GRAMD2B: variants seen among roughly 807,000 people sequenced by gnomAD.
The protein encoded by GRAMD2B is GRAM domain-containing protein 2B.
Under a neutral mutation model 59.2 loss-of-function variants are expected in GRAMD2B, and 41 were observed. That is an observed-to-expected ratio of 0.69 (90% CI 0.54 to 0.90). The LOEUF is 0.90. Ranked by LOEUF, GRAMD2B falls within the 40% of genes least tolerant of loss-of-function variation. GRAMD2B has a pLI of 0.00. For missense variants in GRAMD2B, 424 were observed against 500.5 expected (o/e 0.85, Z 1.46); for synonymous variants, 161 against 182.7 (o/e 0.88, Z 0.96).
At chr5:126,418,449 G>T (rs1197207296), upstream of GRAMD2B, among the ~76,000 whole-genome samples, 1 of 152,148 alleles carries the variant, frequency 6.6e-6, no homozygotes, top group Non-Finnish European at 1.5e-5. Context: ...GGACCAGTAA[G>T]CCCTTGCCAT....
At chr5:126,460,082 A>G (rs1250320249) in intron 1 of GRAMD2B, among the ~76,000 whole-genome samples, 1 of 152,230 alleles carries the variant, frequency 6.6e-6, no homozygotes, top group Non-Finnish European at 1.5e-5. Context: ...GCAGTCATTA[A>G]AAAGTATGAG....
intron 5 of GRAMD2B, among the ~76,000 whole-genome samples, chr5:126,475,140 G>T (rs921941141): frequency 6.6e-6 from 1 of 152,022 alleles, no homozygotes; most frequent in Non-Finnish European, 1.5e-5. Flanking sequence ...TATTAATAAA[G>T]TATAGCCTTA....
chr5:126,398,947 G>A (rs767918996), intron 1 of GRAMD2B, among the ~76,000 whole-genome samples: 11 of 152,064 alleles, frequency 7.2e-5, no homozygotes, highest in Non-Finnish European at 1.2e-4. Flanking sequence ...TTCCATTGTG[G>A]TTGGAAAAGA....
chr5:126,493,073 C>G lies in GRAMD2B; in HGVS notation c.*117C>G. 1 of 722,678 alleles carries G rather than the reference C, an allele frequency of 1.4e-6. No individual in the cohort carries two copies. The highest frequency in any genetic ancestry group is 2.4e-6 in the Non-Finnish European group (1 of 410,102). 44.8% of individuals were successfully genotyped at this position (722,678 alleles called of 1,614,324 possible). On this transcript the variant is annotated 3_prime_UTR_variant, in exon 14 of 14. Coordinates refer to ENST00000285689, the MANE Select transcript of GRAMD2B (RefSeq NM_023927.4). ...TCAGAGGTGCAAGCAGATGAGAATC[C>G]AGACATTGCATGTGGAGGTCTCCAG...
intron 1 of GRAMD2B, among the ~76,000 whole-genome samples, chr5:126,407,954 T>A (rs1051642355): frequency 3.3e-5 from 5 of 152,044 alleles, no homozygotes; most frequent in African/African-American, 1.2e-4. Flanking sequence ...TATTTTTTTT[T>A]AATTTCAACT....
At position 126,423,469 on chromosome 5, in the gene GRAMD2B, T is replaced by C; in HGVS notation, c.-138T>C. Reference sequence around the variant, plus strand: ...CCCGGGAGCTTGGCGCGGCCCGGCCTGGATGCGCTGGGCGGAGGGTGCAGG... The same window carrying C: ...CCCGGGAGCTTGGCGCGGCCCGGCCCGGATGCGCTGGGCGGAGGGTGCAGG... On this transcript the variant is annotated 5_prime_UTR_variant, in exon 1 of 14. Transcript: ENST00000285689. 8 of 1,445,372 alleles carry C rather than the reference T, an allele frequency of 5.5e-6. No homozygotes were observed. The highest frequency in any genetic ancestry group is 7.2e-6 in the Non-Finnish European group (8 of 1,104,956). 89.5% of individuals were successfully genotyped at this position (1,445,372 alleles called of 1,614,324 possible).
upstream of GRAMD2B, among the ~76,000 whole-genome samples, chr5:126,369,746 A>G (rs147041962): frequency 2.1e-3 from 318 of 152,334 alleles, 2 homozygotes; most frequent in Admixed American, 6.3e-3. Flanking sequence ...TCCTTTAGAG[A>G]CATTTTGTTC....
rs895871976 is a variant in GRAMD2B, at chr5:126,492,182, A to G, written c.1258-733A>G. ...CACAACCTTCTTGGAAATGTTAAAT[A>G]ATAATATCTAATTGGAGTAACAGGA... On this transcript the variant is annotated intron_variant, in intron 13 of 13. Transcript: ENST00000285689. Among the ~76,000 whole-genome samples the G allele has an allele frequency of 5.9e-5, 9 of 152,202 alleles. No individual in the cohort carries two copies. The East Asian group carries it at 1.7e-3, about 29-fold the overall frequency.
chr5:126,441,453 G>T (rs1029395208), intron 1 of GRAMD2B, among the ~76,000 whole-genome samples: 1 of 152,184 alleles, frequency 6.6e-6, no homozygotes, highest in African/African-American at 2.4e-5. Flanking sequence ...CAGGGCCCCC[G>T]TCCTCTACTT....
In GRAMD2B at chr5:126,465,518, C is replaced by T. The variant is rs777715436; in HGVS notation, c.176C>T (p.Pro59Leu). The T allele has an allele frequency of 1.2e-6, 2 of 1,614,030 alleles. No homozygotes were observed. The highest frequency in any genetic ancestry group is 1.3e-5 in the African/African-American group (1 of 75,040). The change falls in exon 2 of 14, where the codon CCA becomes CTA. Residue 59 changes from proline to leucine, a missense_variant. Pro to Leu is a moderately conservative substitution (Grantham distance 98, BLOSUM62 -3). Transcript: ENST00000285689. ...SPTPSVEADS[P>L]DQKKIISLWS... ...ACCCCATCTGTGGAGGCGGACTCCC[C>T]AGACCAGAAGAAAATCATTAGCCTA...
At chr5:126,455,377 G>C (rs1270924122) in intron 1 of GRAMD2B, among the ~76,000 whole-genome samples, 1 of 152,122 alleles carries the variant, frequency 6.6e-6, no homozygotes, top group Non-Finnish European at 1.5e-5. Flanking sequence ...CTCATTAGGA[G>C]TCAAACTTCA....
chr5:126,485,925 G>GT (rs1561611066), intron 11 of GRAMD2B, 152 bp downstream of exon 11: 5 of 565,406 alleles, frequency 8.8e-6, no homozygotes, highest in Admixed American at 7.3e-5. Context: ...CCTACTTCAG[G>GT]TTTTTTTCCT....
chr5:126,379,505 G>T (rs1048758512), intron 1 of GRAMD2B, among the ~76,000 whole-genome samples: 1 of 152,064 alleles, frequency 6.6e-6, no homozygotes, highest in Admixed American at 6.6e-5. Context: ...TGGTGGTACT[G>T]ATTTCCATTC....
At chr5:126,376,343 A>G (rs1035959760) in intron 1 of GRAMD2B, among the ~76,000 whole-genome samples, 6 of 152,222 alleles carry the variant, frequency 3.9e-5, no homozygotes, top group African/African-American at 1.4e-4. Context: ...TCCAGGCTGC[A>G]GTCAACGATA....
intron 1 of GRAMD2B, among the ~76,000 whole-genome samples, chr5:126,401,416 A>T (rs900282642): frequency 8.6e-5 from 13 of 152,020 alleles, no homozygotes; most frequent in African/African-American, 3.1e-4. Flanking sequence ...ATTATTTTTA[A>T]TTCTTTGTCA....
intron 13 of GRAMD2B, among the ~76,000 whole-genome samples, chr5:126,489,479 G>A (rs571755713): frequency 6.6e-6 from 1 of 152,286 alleles, no homozygotes; most frequent in African/African-American, 2.4e-5. Flanking sequence ...CAGCAGATCT[G>A]GAACCTGAAC....
chr5:126,429,189 A>C (rs936454296), intron 1 of GRAMD2B, among the ~76,000 whole-genome samples: 2 of 152,228 alleles, frequency 1.3e-5, no homozygotes, highest in Non-Finnish European at 2.9e-5. Context: ...TATATACACC[A>C]TGGAATACTA....
intron 5 of GRAMD2B, among the ~76,000 whole-genome samples, chr5:126,474,654 G>A (rs931385854): frequency 2.0e-5 from 3 of 152,190 alleles, no homozygotes; most frequent in Non-Finnish European, 4.4e-5. Flanking sequence ...AGCAGGGACT[G>A]AAGATACTAA....
At chr5:126,395,410 A>G (rs1158541430) in intron 1 of GRAMD2B, among the ~76,000 whole-genome samples, 1 of 152,114 alleles carries the variant, frequency 6.6e-6, no homozygotes, top group Non-Finnish European at 1.5e-5. Context: ...TGTCTTGTGG[A>G]TGAAAGCCCT....
Sources: gnomAD v4.1 joint callset for allele counts (sites outside exome capture counted in the v4.1 genomes callset) on GRCh38, gnomAD v4.1.1 for gene constraint, MANE v1.5 for transcripts, NCBI Gene and HGNC (gene_info 2026-07-23, HGNC 2026-07-21) for gene names.